Variants in IGLON5 observed in about 807,000 individuals in gnomAD.
IGLON5 encodes Ig-like domain-containing protein ENSP00000270642.
A neutral mutation model predicts 38.2 loss-of-function variants in IGLON5; 16 were observed. The ratio of observed to expected loss-of-function variants is 0.42; its 90% confidence interval spans 0.28 to 0.64. The LOEUF (loss-of-function observed/expected upper bound fraction) is 0.64. Ranked by LOEUF, IGLON5 falls within the 30% of genes least tolerant of loss-of-function variation. The probability of loss-of-function intolerance (pLI) is 0.23; values close to 1 mark genes in which losing one functional copy is unlikely to be tolerated. For synonymous variants in IGLON5, 207 were observed against 216.4 expected, an observed-to-expected ratio of 0.96 and a Z score of 0.38; for missense variants, 366 against 483.4, an observed-to-expected ratio of 0.76 and a Z score of 2.28.
chr19:51,316,135 C>G (rs1984915906), intron 1 of IGLON5, among the ~76,000 whole-genome samples: 2 of 148,648 alleles, frequency 1.3e-5, no homozygotes, highest in Admixed American at 1.3e-4. Flanking sequence ...CACCTGAGCT[C>G]AGGAGTTGAA....
In IGLON5 at chr19:51,327,943, G is replaced by A. The variant is rs1985259714; in HGVS notation, c.922+57G>A. On this transcript the variant is annotated intron_variant, in intron 7 of 7. Transcript: ENST00000270642. This position sits in a 1 kb window ranked among gnomAD's most constrained non-coding sequence, Gnocchi z 7.1. ...GTGGGCGGGGCCGGGGGCGGGGCTAGGGAAGTGGAGACGCCGGGACCGCCC... is the reference window on the plus strand; with the variant it reads ...GTGGGCGGGGCCGGGGGCGGGGCTAAGGAAGTGGAGACGCCGGGACCGCCC... 1.4e-6 allele frequency: 2 copies of A among 1,440,526 alleles called. No individual in the cohort carries two copies. The highest frequency in any genetic ancestry group is 5.3e-5 in the Admixed American group (2 of 37,980). 89.2% of individuals were successfully genotyped at this position (1,440,526 alleles called of 1,614,324 possible).
At chr19:51,312,505 G>A (rs1237912139) in intron 1 of IGLON5, among the ~76,000 whole-genome samples, 6 of 152,098 alleles carry the variant, frequency 3.9e-5, no homozygotes, top group African/African-American at 1.4e-4. Flanking sequence ...GAGGGGAAGG[G>A]TCTGAAATCC....
Position 51,319,298 on chromosome 19 carries a change from T to TGTGC in IGLON5, c.80-2763_80-2762insCGTG, listed in dbSNP as rs552185896. Among the ~76,000 whole-genome samples, 161 of 95,244 alleles carry TGTGC rather than the reference T, an allele frequency of 1.7e-3. 1 individual carries two copies. Among genetic ancestry groups the TGTGC allele is most frequent in the African/African-American group, 9.5e-3 (155 of 16,232 alleles). 62.5% of individuals were successfully genotyped at this position (95,244 alleles called of 152,430 possible). A position where few individuals can be genotyped will look rare whatever the true frequency, so the allele number is the denominator to read the frequency against. On this transcript the variant is annotated intron_variant, in intron 1 of 7. Coordinates refer to ENST00000270642, the MANE Select transcript of IGLON5 (RefSeq NM_001101372.3). ...GTTGGTGACTTTCCAATTCCCTGTG[T>TGTGC]GTGTGCGTGTGTGTGTGTGTGTGTG...
intron 4 of IGLON5, among the ~76,000 whole-genome samples, chr19:51,326,536 A>C (rs1156698922): frequency 2.0e-5 from 3 of 150,472 alleles, no homozygotes; most frequent in African/African-American, 4.9e-5. Flanking sequence ...AACCCACCCC[A>C]CTGGGTTCCA....
chr19:51,313,695 C>CTTTCTTTGT (rs57541204), intron 1 of IGLON5, among the ~76,000 whole-genome samples: 2 of 51,226 alleles, frequency 3.9e-5, no homozygotes, highest in Non-Finnish European at 9.6e-5. Context: ...TTCTTTCTTT[C>CTTTCTTTGT]TTCTTTCTTC....
chr19:51,327,282 G>T lies in IGLON5; in HGVS notation c.767+82G>T. On this transcript the variant is annotated intron_variant, in intron 6 of 7. Coordinates refer to ENST00000270642, the MANE Select transcript of IGLON5 (RefSeq NM_001101372.3). The surrounding 1 kb of genome is among the most constrained non-coding windows in gnomAD (Gnocchi z 7.1). ...CGATTGTGAGGCAGGGGGACGGAGCGGGGCGGGGGAAGGCAGCAGAGCTCT... is the reference window on the plus strand; with the variant it reads ...CGATTGTGAGGCAGGGGGACGGAGCTGGGCGGGGGAAGGCAGCAGAGCTCT... The T allele has an allele frequency of 6.5e-6, 10 of 1,532,438 alleles. No individual in the cohort carries two copies. Among genetic ancestry groups the T allele is most frequent in the Non-Finnish European group, 8.8e-6 (10 of 1,137,392 alleles). 94.9% of individuals were successfully genotyped at this position (1,532,438 alleles called of 1,614,324 possible).
At chr19:51,317,805 CA>C (rs1555750857) in intron 1 of IGLON5, among the ~76,000 whole-genome samples, 1 of 152,232 alleles carries the variant, frequency 6.6e-6, no homozygotes, top group Non-Finnish European at 1.5e-5. Flanking sequence ...GAATCCCTCA[CA>C]GAAACCCTTG....
In IGLON5 at chr19:51,327,360, C is replaced by A. The variant is rs551047443; in HGVS notation, c.767+160C>A. Reference sequence around the variant, plus strand: ...CTAGGTGATGGGATCTGTCCAGCCCCGGAGACAAGCTTGGGTCCCCGCTTG... The same window carrying A: ...CTAGGTGATGGGATCTGTCCAGCCCAGGAGACAAGCTTGGGTCCCCGCTTG... On this transcript the variant is annotated intron_variant, in intron 6 of 7. Transcript: ENST00000270642. This position sits in a 1 kb window ranked among gnomAD's most constrained non-coding sequence, Gnocchi z 7.1. 1.1e-4 allele frequency among the ~76,000 whole-genome samples: 16 copies of A among 152,256 alleles called. No homozygotes were observed. Among genetic ancestry groups the A allele is most frequent in the Non-Finnish European group, 1.5e-5 (1 of 68,010 alleles).
At chr19:51,317,531 C>A (rs1480938591) in intron 1 of IGLON5, among the ~76,000 whole-genome samples, 2 of 152,196 alleles carry the variant, frequency 1.3e-5, no homozygotes, top group East Asian at 3.8e-4. Flanking sequence ...CCTGGGCCCC[C>A]TGGTTATGCA....
chr19:51,327,768 G>A lies in IGLON5; in HGVS notation c.804G>A (p.Gln268=), dbSNP rs1267535106. The A allele has an allele frequency of 6.3e-7, 1 of 1,577,750 alleles. No individual in the cohort carries two copies. The highest frequency in any genetic ancestry group is 8.6e-7 in the Non-Finnish European group (1 of 1,163,928). ...SSGTAEGLKV[Q]TERTRSMLLF... ...GCACGGCCGAAGGCCTGAAGGTGCA[G>A]ACGGAGCGCACCCGCTCGATGCTTC... The change falls in exon 7 of 8, where the codon CAG becomes CAA. Residue 268 remains glutamine (Q), a synonymous_variant. Coordinates refer to ENST00000270642, the MANE Select transcript of IGLON5 (RefSeq NM_001101372.3). The surrounding 1 kb of genome is among the most constrained non-coding windows in gnomAD (Gnocchi z 7.1).
intron 2 of IGLON5, among the ~76,000 whole-genome samples, chr19:51,323,079 C>CTG (rs970351978): frequency 6.7e-6 from 1 of 148,296 alleles, no homozygotes; most frequent in Admixed American, 6.7e-5. Context: ...GTGTCTGTAT[C>CTG]TGTGTGTGTG....
chr19:51,311,745 G>GC lies in IGLON5; in HGVS notation c.-102dup, dbSNP rs552606832. On this transcript the variant is annotated 5_prime_UTR_variant, in exon 1 of 8. Transcript: ENST00000270642. Reference sequence around the variant, plus strand: ...CCCCGCCGCCCCCCGGGCCGGTGCAGCGCAGGCGGGGTCCCCCTCCCCCTC... The same window carrying GC: ...CCCCGCCGCCCCCCGGGCCGGTGCAGCCGCAGGCGGGGTCCCCCTCCCCCTC... 128,174 of 128,290 alleles carry GC rather than the reference G, an allele frequency of 1. 64,054 individuals are homozygous for GC. Among genetic ancestry groups the GC allele is most frequent in the Middle Eastern group, 1 (244 of 244 alleles). The allele number at this position is 128,290 out of a possible 1,614,324, so 7.9% of individuals were successfully genotyped here.
rs1436914508 is a variant in IGLON5 at position 51,323,776 on chromosome 19, C to G, written c.273C>G (p.Thr91=). The G allele has an allele frequency of 3.1e-6, 5 of 1,613,832 alleles. No individual in the cohort carries two copies. The African/African-American group carries it at 6.7e-5, about 22-fold the overall frequency. Residue 91 remains threonine, a synonymous_variant, in exon 3 of 8, where the codon ACC becomes ACG. Coordinates refer to ENST00000270642, the MANE Select transcript of IGLON5 (RefSeq NM_001101372.3). The part of the protein sequence containing the change: ...SDPRVRLLIN[T]PEEFSILITE... ...CGCGGGTGCGGCTGCTCATCAACAC[C>G]CCCGAGGAGTTCTCCATCCTCATCA...
In IGLON5 at chr19:51,327,139, C is replaced by T. The variant is rs1414599884; in HGVS notation, c.706C>T (p.Leu236=). ...ARTALGRAAL[L]RCEAMAVPPA... ...CACCGCGCTGGGCCGGGCCGCCCTC[C>T]TGCGCTGCGAAGCCATGGCGGTTCC... Residue 236 remains leucine (L), a synonymous_variant, in exon 6 of 8, where the codon CTG becomes TTG. Transcript: ENST00000270642. The surrounding 1 kb of genome is among the most constrained non-coding windows in gnomAD (Gnocchi z 7.1). The T allele has an allele frequency of 1.1e-5, 17 of 1,612,210 alleles. No homozygotes were observed. The highest frequency in any genetic ancestry group is 1.4e-5 in the Non-Finnish European group (16 of 1,179,632).
intron 1 of IGLON5, among the ~76,000 whole-genome samples, chr19:51,312,333 G>A (rs1984787821): frequency 2.0e-5 from 3 of 151,910 alleles, no homozygotes; most frequent in Admixed American, 2.0e-4. Flanking sequence ...ATAATGCCCT[G>A]TTAGGGGTCT....
rs560213710 is a variant in IGLON5 at position 51,312,320 on chromosome 19, G to A, written c.79+394G>A. Among the ~76,000 whole-genome samples the A allele has an allele frequency of 2.4e-3, 369 of 152,094 alleles. 1 individual carries two copies. The highest frequency in any genetic ancestry group is 8.5e-3 in the African/African-American group (352 of 41,502). ...CGAACTGAGTTGGGGTGGGGGGCAG[G>A]GGATAATGCCCTGTTAGGGGTCTTC... On this transcript the variant is annotated intron_variant, in intron 1 of 7. Transcript: ENST00000270642.
intron 7 of IGLON5, among the ~76,000 whole-genome samples, 178 bp from the exon 8 acceptor site, chr19:51,328,493 G>T (rs1184256279): frequency 7.2e-6 from 1 of 138,622 alleles, no homozygotes; most frequent in South Asian, 2.3e-4. Context: ...GCGAGACTCC[G>T]TCTCAAAAAA....
chr19:51,327,200 T>G lies in IGLON5; in HGVS notation c.767T>G (p.Leu256Arg), dbSNP rs1440332930. ...ADFQWYKDDR[L>R]LSSGTAEGLK... ...TTCCAGTGGTACAAGGATGACAGACTGTGAGGACAGCACTGAGGGGGCCGT... is the reference window on the plus strand; with the variant it reads ...TTCCAGTGGTACAAGGATGACAGACGGTGAGGACAGCACTGAGGGGGCCGT... The change falls in exon 6 of 8, where the codon CTG becomes CGG. Residue 256 changes from leucine to arginine, a missense_variant and splice_region_variant. Leu to Arg is a moderately radical substitution (Grantham distance 102). Coordinates refer to ENST00000270642, the MANE Select transcript of IGLON5 (RefSeq NM_001101372.3). The surrounding 1 kb of genome is among the most constrained non-coding windows in gnomAD (Gnocchi z 7.1). 6.2e-7 allele frequency: 1 copy of G among 1,610,582 alleles called. No individual in the cohort carries two copies. The highest frequency in any genetic ancestry group is 8.5e-7 in the Non-Finnish European group (1 of 1,178,852).
intron 1 of IGLON5, among the ~76,000 whole-genome samples, chr19:51,318,721 C>T (rs1984982730): frequency 3.3e-5 from 3 of 90,318 alleles, no homozygotes; most frequent in South Asian, 5.6e-4. Flanking sequence ...GGCAACAGAG[C>T]GAGACTCTGT....
Sources: allele counts gnomAD v4.1 joint callset (sites outside exome capture counted in the v4.1 genomes callset), GRCh38; gene constraint gnomAD v4.1.1; non-coding constraint Gnocchi (gnomAD v3.1); transcripts MANE v1.5; gene names NCBI Gene and HGNC (gene_info 2026-07-23, HGNC 2026-07-21).